CBLB: variants seen among roughly 807,000 people sequenced by gnomAD.
The protein encoded by CBLB is E3 ubiquitin-protein ligase CBL-B.
In CBLB, 31 loss-of-function variants were observed where a neutral mutation model predicts 104.9. That is an observed-to-expected ratio of 0.30 (90% CI 0.22 to 0.40). CBLB has a LOEUF of 0.40. CBLB is among the 10% of genes least tolerant of loss of function. CBLB has a pLI of 1.00. For synonymous variants in CBLB, 440 were observed against 422.6 expected (o/e 1.04, Z -0.51); for missense variants, 1,062 against 1,214.6 (o/e 0.87, Z 1.87).
intron 10 of CBLB, among the ~76,000 whole-genome samples, chr3:105,709,255 A>C (rs2070706932): frequency 6.6e-6 from 1 of 151,972 alleles, no homozygotes; most frequent in African/African-American, 2.4e-5. Context: ...CACAAAAACA[A>C]CAAATGATAA....
At chr3:105,807,600 T>G (rs997635832) in intron 3 of CBLB, among the ~76,000 whole-genome samples, 2 of 152,102 alleles carry the variant, frequency 1.3e-5, no homozygotes, top group African/African-American at 2.4e-5. Context: ...ATCATACATT[T>G]TTATATACAT....
chr3:105,693,674 A>G (rs928484824), intron 12 of CBLB, 86 bp from the exon 13 acceptor site: 12 of 834,596 alleles, frequency 1.4e-5, no homozygotes, highest in Admixed American at 5.8e-5. Flanking sequence ...TCTGAAGACA[A>G]TATGTAAGTT....
intron 9 of CBLB, among the ~76,000 whole-genome samples, chr3:105,722,114 C>T (rs1406691397): frequency 2.7e-5 from 4 of 145,802 alleles, no homozygotes; most frequent in African/African-American, 1.0e-4. Context: ...CTGGGGGCTT[C>T]GCTTGAGACC....
chr3:105,737,711 A>G (rs992035353), intron 7 of CBLB, among the ~76,000 whole-genome samples: 8 of 152,166 alleles, frequency 5.3e-5, no homozygotes, highest in Non-Finnish European at 7.4e-5. Flanking sequence ...TTTTCTTGTA[A>G]GTTACTCAAA....
intron 4 of CBLB, among the ~76,000 whole-genome samples, chr3:105,767,087 T>C (rs1443300537): frequency 6.6e-6 from 1 of 152,150 alleles, no homozygotes; most frequent in Non-Finnish European, 1.5e-5. Context: ...TACCTGAAAT[T>C]TTTTTTAACA....
At chr3:105,698,637 T>A (rs2068699135) in intron 12 of CBLB, among the ~76,000 whole-genome samples, 1 of 146,710 alleles carries the variant, frequency 6.8e-6, no homozygotes, top group Non-Finnish European at 1.5e-5. Flanking sequence ...GCGCATTTGC[T>A]TATATTAGGG....
intron 18 of CBLB, among the ~76,000 whole-genome samples, chr3:105,662,018 T>A (rs2152671456): frequency 6.6e-6 from 1 of 152,298 alleles, no homozygotes; most frequent in South Asian, 2.1e-4. Flanking sequence ...GTTGTGAGTA[T>A]CTGATTCTAC....
intron 5 of CBLB, among the ~76,000 whole-genome samples, chr3:105,750,816 T>A (rs1408895013): frequency 6.6e-6 from 1 of 152,232 alleles, no homozygotes; most frequent in Non-Finnish European, 1.5e-5. Flanking sequence ...TAAAGTTGTT[T>A]ACATTAGAGA....
intron 9 of CBLB, among the ~76,000 whole-genome samples, chr3:105,723,674 T>A (rs931720355): frequency 6.6e-6 from 1 of 152,100 alleles, no homozygotes; most frequent in African/African-American, 2.4e-5. Context: ...AAAACCCAAA[T>A]GAATATTGTT....
rs1407359736 is a variant in CBLB at position 105,665,404 on chromosome 3, AATAAATAAATAAATAT to A, written c.2689+4813_2689+4828del. Reference sequence around the variant, plus strand: ...CTGTCTCCAAAAAAATAAATAAATAAATAAATAAATAAATATATATATATATATATATATATATACA... The same window carrying A: ...CTGTCTCCAAAAAAATAAATAAATAAATATATATATATATATATATATACA... On this transcript the variant is annotated intron_variant, in intron 18 of 18. Transcript: ENST00000394030. Among the ~76,000 whole-genome samples, 75 of 62,482 alleles carry A rather than the reference AATAAATAAATAAATAT, an allele frequency of 1.2e-3. 1 individual carries two copies. The highest frequency in any genetic ancestry group is 2.6e-3 in the South Asian group (3 of 1,168). 41.0% of individuals were successfully genotyped at this position (62,482 alleles called of 152,430 possible). A position where few individuals can be genotyped will look rare whatever the true frequency, so the allele number is the denominator to read the frequency against.
At chr3:105,727,186 C>T (rs1020596047) in intron 9 of CBLB, among the ~76,000 whole-genome samples, 6 of 151,904 alleles carry the variant, frequency 3.9e-5, no homozygotes, top group Non-Finnish European at 8.8e-5. Flanking sequence ...AAAAGCACTC[C>T]TATTTCTCCA....
chr3:105,759,958 T>C (rs1270312367), intron 4 of CBLB, among the ~76,000 whole-genome samples: 2 of 152,236 alleles, frequency 1.3e-5, no homozygotes, highest in African/African-American at 2.4e-5. Flanking sequence ...GATGGGCAGC[T>C]GGGGCCATCA....
chr3:105,749,143 A>C (rs2076377121), intron 5 of CBLB, among the ~76,000 whole-genome samples: 1 of 152,202 alleles, frequency 6.6e-6, no homozygotes. Context: ...ACTTCTCTAT[A>C]AACAGAATCA....
chr3:105,751,550 T>G lies in CBLB; in HGVS notation c.635A>C (p.Glu212Ala). The change falls in exon 5 of 19, where the codon GAA becomes GCA. Residue 212 changes from glutamate to alanine, a missense_variant. Glu to Ala is a moderately radical substitution (Grantham distance 107). Coordinates refer to ENST00000394030, the MANE Select transcript of CBLB (RefSeq NM_170662.5). ...HEVHQISSGL[E>A]AMALKSTIDL... is the part of the protein sequence containing the mutation. Reference sequence around the variant, plus strand: ...AATTGTTGATTTTAGAGCCATTGCTTCCAGGCCAGAGCTAATCTGGTGGAC... The same window carrying G: ...AATTGTTGATTTTAGAGCCATTGCTGCCAGGCCAGAGCTAATCTGGTGGAC... 6.2e-7 allele frequency: 1 copy of G among 1,611,620 alleles called. No individual in the cohort carries two copies. Among genetic ancestry groups the G allele is most frequent in the Non-Finnish European group, 8.5e-7 (1 of 1,177,788 alleles).
chr3:105,840,883 A>G (rs1180915928), intron 3 of CBLB, among the ~76,000 whole-genome samples: 1 of 152,194 alleles, frequency 6.6e-6, no homozygotes, highest in Non-Finnish European at 1.5e-5. Flanking sequence ...AAAAAAAAAA[A>G]AAGAAGAAAA....
intron 16 of CBLB, among the ~76,000 whole-genome samples, chr3:105,680,733 TA>T (rs1454470418): frequency 6.6e-6 from 1 of 152,236 alleles, no homozygotes; most frequent in Non-Finnish European, 1.5e-5. Flanking sequence ...GAAAAGCTTG[TA>T]AATTGACTTT....
At chr3:105,758,895 G>A (rs1387043152) in intron 4 of CBLB, among the ~76,000 whole-genome samples, 5 of 152,244 alleles carry the variant, frequency 3.3e-5, no homozygotes, top group Non-Finnish European at 5.9e-5. Context: ...GTAGGTGTGG[G>A]CTCCCCAAAG....
chr3:105,805,974 G>C lies in CBLB; in HGVS notation c.420-29432C>G, dbSNP rs77552844. On this transcript the variant is annotated intron_variant, in intron 3 of 18. Coordinates refer to ENST00000394030, the MANE Select transcript of CBLB (RefSeq NM_170662.5). Reference sequence around the variant, plus strand: ...CAGAAAAAAATTACTCTTAAGGATAGGAAGCCAGTCACATAAACCACTATG... The same window carrying C: ...CAGAAAAAAATTACTCTTAAGGATACGAAGCCAGTCACATAAACCACTATG... Among the ~76,000 whole-genome samples, 1,466 of 151,510 alleles carry C rather than the reference G, an allele frequency of 9.7e-3. 13 individuals carry two copies. Among genetic ancestry groups the C allele is most frequent in the Non-Finnish European group, 0.017 (1,141 of 67,886 alleles).
chr3:105,783,035 T>C (rs1312378059), intron 3 of CBLB, among the ~76,000 whole-genome samples: 2 of 152,224 alleles, frequency 1.3e-5, no homozygotes, highest in Admixed American at 6.5e-5. Context: ...TGAAATAACA[T>C]GCCAGCCTAT....
Sources: allele counts gnomAD v4.1 joint callset (sites outside exome capture counted in the v4.1 genomes callset), GRCh38; gene constraint gnomAD v4.1.1; transcripts MANE v1.5; gene names NCBI Gene and HGNC (gene_info 2026-07-23, HGNC 2026-07-21).